The following PPP1R1C variants were observed in gnomAD, a reference collection of about 807,000 sequenced individuals.
PPP1R1C encodes protein phosphatase 1 regulatory subunit 1C.
In PPP1R1C, 15 loss-of-function variants were observed where a neutral mutation model predicts 17.4. The observed-to-expected ratio is 0.86, with a 90% CI of 0.58 to 1.33. PPP1R1C has a LOEUF of 1.33. Ranked by LOEUF, PPP1R1C falls within the 40% of genes most tolerant of loss-of-function variation. PPP1R1C has a pLI of 0.00. For missense variants in PPP1R1C, 143 were observed against 130.0 expected, an observed-to-expected ratio of 1.10 and a Z score of -0.48; for synonymous variants, 35 against 43.1, an observed-to-expected ratio of 0.81 and a Z score of 0.73.
At chr2:181,995,935 G>A (rs181425125) in intron 2 of PPP1R1C, among the ~76,000 whole-genome samples, 3 of 152,244 alleles carry the variant, frequency 2.0e-5, no homozygotes, top group Non-Finnish European at 4.4e-5. Context: ...CGGGACCTGG[G>A]CAGGTGACAT....
chr2:182,043,809 G>A (rs1022320128), intron 2 of PPP1R1C, among the ~76,000 whole-genome samples: 1 of 152,056 alleles, frequency 6.6e-6, no homozygotes, highest in African/African-American at 2.4e-5. Context: ...CCGTCTTCCT[G>A]GGCATTCTCA....
intron 4 of PPP1R1C, among the ~76,000 whole-genome samples, chr2:182,088,619 T>G (rs996180362): frequency 6.6e-6 from 1 of 152,184 alleles, no homozygotes; most frequent in African/African-American, 2.4e-5. Context: ...AGTAAGAGTT[T>G]GGCAGTGAGG....
intron 4 of PPP1R1C, among the ~76,000 whole-genome samples, chr2:182,086,445 A>T (rs561589453): frequency 2.0e-5 from 3 of 152,180 alleles, no homozygotes; most frequent in Non-Finnish European, 4.4e-5. Flanking sequence ...CAGAAATGGA[A>T]ATCGATACCA....
At chr2:182,130,409 T>C (rs1466326796), downstream of PPP1R1C, 8 of 152,170 alleles carry the variant, frequency 5.3e-5, no homozygotes, top group Non-Finnish European at 5.9e-5. Flanking sequence ...GACAACATTC[T>C]ACCTGCTGCT....
intron 2 of PPP1R1C, among the ~76,000 whole-genome samples, chr2:182,011,466 C>A (rs1686087237): frequency 6.6e-6 from 1 of 151,982 alleles, no homozygotes; most frequent in African/African-American, 2.4e-5. Flanking sequence ...ATGAGGTCTC[C>A]ATTTTTGTCT....
chr2:182,119,934 G>T (rs1199777253), downstream of PPP1R1C, among the ~76,000 whole-genome samples: 2 of 152,204 alleles, frequency 1.3e-5, no homozygotes, highest in Admixed American at 1.3e-4. Flanking sequence ...GTCAGTTTTG[G>T]CTTTTGTTGC....
intron 2 of PPP1R1C, among the ~76,000 whole-genome samples, chr2:182,022,882 T>G (rs1028910378): frequency 2.0e-5 from 3 of 152,218 alleles, no homozygotes; most frequent in Non-Finnish European, 4.4e-5. Flanking sequence ...AGACCAGTGA[T>G]GCCCTCCTTC....
chr2:182,091,073 G>C (rs1389189549), intron 4 of PPP1R1C, among the ~76,000 whole-genome samples: 1 of 152,180 alleles, frequency 6.6e-6, no homozygotes, highest in African/African-American at 2.4e-5. Context: ...CTGTATTGAT[G>C]AAGGACTTTT....
chr2:182,024,442 T>C (rs1014232328), intron 2 of PPP1R1C, among the ~76,000 whole-genome samples: 3 of 152,118 alleles, frequency 2.0e-5, no homozygotes, highest in African/African-American at 7.2e-5. Context: ...GAAATATTGT[T>C]AAAATAATAT....
At chr2:182,043,821 C>T (rs1354129303) in intron 2 of PPP1R1C, among the ~76,000 whole-genome samples, 1 of 152,152 alleles carries the variant, frequency 6.6e-6, no homozygotes, top group Non-Finnish European at 1.5e-5. Context: ...GCATTCTCAT[C>T]CTCTCTCATG....
intron 4 of PPP1R1C, among the ~76,000 whole-genome samples, chr2:182,098,943 C>G (rs1267743541): frequency 2.6e-5 from 4 of 152,146 alleles, no homozygotes; most frequent in Non-Finnish European, 4.4e-5. Flanking sequence ...CGTTTCTTCT[C>G]AGGTATGAGA....
intron 4 of PPP1R1C, among the ~76,000 whole-genome samples, chr2:182,080,850 C>A (rs1688454083): frequency 6.6e-6 from 1 of 152,074 alleles, no homozygotes; most frequent in Non-Finnish European, 1.5e-5. Flanking sequence ...TAAAATATGA[C>A]CTTGAGAAAG....
At chr2:182,047,824 C>T (rs1574408928) in intron 2 of PPP1R1C, among the ~76,000 whole-genome samples, 1 of 152,148 alleles carries the variant, frequency 6.6e-6, no homozygotes, top group African/African-American at 2.4e-5. Flanking sequence ...GAAGTGGCAG[C>T]AGAAATTATG....
chr2:182,062,430 A>G (rs1285030604), intron 3 of PPP1R1C, among the ~76,000 whole-genome samples: 1 of 152,084 alleles, frequency 6.6e-6, no homozygotes, highest in African/African-American at 2.4e-5. Context: ...AAAAATCCCT[A>G]AACTGATTCG....
chr2:182,007,730 A>G (rs913850711), intron 2 of PPP1R1C, among the ~76,000 whole-genome samples: 2 of 152,334 alleles, frequency 1.3e-5, no homozygotes, highest in Middle Eastern at 3.4e-3. Context: ...TAAGGCCTGA[A>G]AATTTTCAGT....
chr2:182,092,360 A>G (rs1188417679), intron 4 of PPP1R1C, among the ~76,000 whole-genome samples: 1 of 152,148 alleles, frequency 6.6e-6, no homozygotes, highest in Non-Finnish European at 1.5e-5. Context: ...TCTCTCCCAC[A>G]ATATATGGGA....
At chr2:182,038,298 C>T (rs2125177286) in intron 2 of PPP1R1C, among the ~76,000 whole-genome samples, 1 of 152,238 alleles carries the variant, frequency 6.6e-6, no homozygotes, top group African/African-American at 2.4e-5. Context: ...CTCGGCCTCC[C>T]AAACTGCTGA....
chr2:182,043,348 A>G (rs1481703964), intron 2 of PPP1R1C, among the ~76,000 whole-genome samples: 1 of 152,198 alleles, frequency 6.6e-6, no homozygotes, highest in African/African-American at 2.4e-5. Flanking sequence ...AAATATGGTT[A>G]TTATATACTG....
chr2:182,062,136 A>C (rs1374597148), intron 3 of PPP1R1C, among the ~76,000 whole-genome samples: 1 of 152,122 alleles, frequency 6.6e-6, no homozygotes, highest in Non-Finnish European at 1.5e-5. Flanking sequence ...GATGCTGTGC[A>C]GGGTTACCTA....
Sources: gnomAD v4.1 joint callset for allele counts (sites outside exome capture counted in the v4.1 genomes callset) on GRCh38, gnomAD v4.1.1 for gene constraint, MANE v1.5 for transcripts, NCBI Gene and HGNC (gene_info 2026-07-23, HGNC 2026-07-21) for gene names.